Variants in HADH observed in about 807,000 individuals in gnomAD.
The protein encoded by HADH is hydroxyacyl-CoA dehydrogenase.
A neutral mutation model predicts 32.2 loss-of-function variants in HADH; 24 were observed. The observed-to-expected ratio is 0.75, with a 90% CI of 0.54 to 1.05. The LOEUF (loss-of-function observed/expected upper bound fraction) is 1.05, where lower values mean the gene tolerates loss of function less well. HADH is among the 50% of genes least tolerant of loss of function. The pLI is 0.00. For synonymous variants in HADH, 139 were observed against 152.5 expected (o/e 0.91, Z 0.65); for missense variants, 350 against 397.1 (o/e 0.88, Z 1.01).
chr4:107,990,742 T>C (rs1360193863), intron 1 of HADH, among the ~76,000 whole-genome samples: 1 of 143,200 alleles, frequency 7.0e-6, no homozygotes, highest in Non-Finnish European at 1.5e-5. Context: ...TAAGTCTCTC[T>C]CTTTTTTTTT....
intron 1 of HADH, among the ~76,000 whole-genome samples, chr4:107,999,330 A>T (rs1021496184): frequency 7.9e-5 from 12 of 152,240 alleles, no homozygotes; most frequent in African/African-American, 2.4e-4. Context: ...TGGGCAACGC[A>T]TAGCAACTGC....
chr4:108,027,152 G>T, intron 5 of HADH: 1 of 178,208 alleles, frequency 5.6e-6, no homozygotes, highest in Non-Finnish European at 1.2e-5. Flanking sequence ...AAGGAGCCTG[G>T]AAAGCAGTCC....
At chr4:107,992,887 G>A (rs1734854770) in intron 1 of HADH, among the ~76,000 whole-genome samples, 1 of 152,234 alleles carries the variant, frequency 6.6e-6, no homozygotes, top group South Asian at 2.1e-4. Flanking sequence ...GGCTGAGGGG[G>A]GCAGATCATC....
At chr4:107,998,758 A>G (rs1735029516) in intron 1 of HADH, among the ~76,000 whole-genome samples, 1 of 151,722 alleles carries the variant, frequency 6.6e-6, no homozygotes, top group South Asian at 2.1e-4. Flanking sequence ...TAGCCATCCT[A>G]ATGGGTATGA....
chr4:108,027,374 T>A (rs1241220672), intron 5 of HADH: 5 of 442,680 alleles, frequency 1.1e-5, no homozygotes, highest in African/African-American at 2.0e-5. Context: ...ACCAAGAGAG[T>A]ATTCAAGATT....
At chr4:108,007,256 G>A (rs1456785434) in intron 1 of HADH, among the ~76,000 whole-genome samples, 1 of 152,040 alleles carries the variant, frequency 6.6e-6, no homozygotes, top group Admixed American at 6.5e-5. Flanking sequence ...ACAGGCGCCC[G>A]CCACCACGCC....
intron 1 of HADH, among the ~76,000 whole-genome samples, chr4:107,994,621 G>A (rs1024497775): frequency 2.0e-5 from 3 of 152,208 alleles, no homozygotes; most frequent in African/African-American, 7.2e-5. Context: ...GAGACCAGCA[G>A]TTACCTGGCT....
At chr4:108,008,160 G>A (rs1220383510) in intron 1 of HADH, among the ~76,000 whole-genome samples, 1 of 152,204 alleles carries the variant, frequency 6.6e-6, no homozygotes, top group African/African-American at 2.4e-5. Context: ...TTTTGCTTTT[G>A]GGACGTTGTT....
chr4:108,019,937 A>G (rs1201750733), intron 4 of HADH, among the ~76,000 whole-genome samples: 1 of 152,244 alleles, frequency 6.6e-6, no homozygotes, highest in Non-Finnish European at 1.5e-5. Context: ...GCTGAGAGGC[A>G]TCAGAATGGG....
At chr4:108,011,463 G>GC (rs1735492324) in intron 2 of HADH, among the ~76,000 whole-genome samples, 3 of 152,152 alleles carry the variant, frequency 2.0e-5, no homozygotes, top group African/African-American at 7.2e-5. Context: ...CCCCCACTGG[G>GC]CCCCTCCCAC....
chr4:108,023,803 G>C lies in HADH; in HGVS notation c.636+240G>C, dbSNP rs117532554. ...TAGTCTGAGACCTGAATGGAGCTCA[G>C]GACACCAGCTGAGTAGAAGACACGG... On this transcript the variant is annotated intron_variant, in intron 5 of 7. Coordinates refer to ENST00000309522, the MANE Select transcript of HADH (RefSeq NM_005327.7). 5.7e-4 allele frequency: 289 copies of C among 506,390 alleles called. 3 individuals are homozygous for C. In the East Asian group the frequency reaches 0.01, roughly 18 times the overall value. 31.4% of individuals were successfully genotyped at this position (506,390 alleles called of 1,614,324 possible).
intron 1 of HADH, chr4:108,004,824 C>T: frequency 6.5e-7 from 1 of 1,535,832 alleles, no homozygotes; most frequent in Non-Finnish European, 8.7e-7. Flanking sequence ...TGGGTGTCTG[C>T]TGGAGGAAGG....
Position 107,994,754 on chromosome 4 carries a change from G to A in HADH, c.132+4690G>A, listed in dbSNP as rs148126008. Among the ~76,000 whole-genome samples the A allele has an allele frequency of 3.5e-4, 53 of 152,232 alleles. 2 individuals carry two copies. The East Asian group carries it at 9.7e-3, about 28-fold the overall frequency. ...AAGTTTTCCCCCTACTTCCCGAGTT[G>A]TTGCTTATCTTTGTTGGGCTGTTCT... On this transcript the variant is annotated intron_variant, in intron 1 of 7. Transcript: ENST00000309522.
At chr4:108,018,470 A>G (rs958551780) in intron 3 of HADH, among the ~76,000 whole-genome samples, 9 of 152,274 alleles carry the variant, frequency 5.9e-5, no homozygotes, top group African/African-American at 1.7e-4. Context: ...TAAATGGCCT[A>G]CCTTGGAAGC....
intron 3 of HADH, among the ~76,000 whole-genome samples, chr4:108,017,645 C>G (rs1225791632): frequency 6.6e-6 from 1 of 151,868 alleles, no homozygotes; most frequent in African/African-American, 2.4e-5. Flanking sequence ...ACCTCTGCCC[C>G]CCAGGTTCAA....
chr4:108,004,991 G>T (rs969295688), intron 1 of HADH: 12 of 1,103,616 alleles, frequency 1.1e-5, no homozygotes, highest in Admixed American at 1.0e-4. Flanking sequence ...TGATAATACT[G>T]TATTCAGTTT....
intron 1 of HADH, among the ~76,000 whole-genome samples, chr4:108,008,702 C>G (rs990309675): frequency 6.6e-5 from 10 of 152,128 alleles, no homozygotes; most frequent in Non-Finnish European, 1.5e-4. Flanking sequence ...CATCGAGGTT[C>G]CAAAGCAATG....
chr4:107,994,894 T>C (rs1734911850), intron 1 of HADH, among the ~76,000 whole-genome samples: 1 of 152,216 alleles, frequency 6.6e-6, no homozygotes, highest in Admixed American at 6.5e-5. Context: ...GAGGTAGGGC[T>C]CACAGGCAAC....
intron 1 of HADH, among the ~76,000 whole-genome samples, chr4:108,001,529 A>G (rs1175740562): frequency 4.6e-5 from 7 of 152,262 alleles, no homozygotes; most frequent in African/African-American, 1.7e-4. Context: ...CATTGACTTT[A>G]GCAATTTAGT....
Sources: allele counts gnomAD v4.1 joint callset (sites outside exome capture counted in the v4.1 genomes callset), GRCh38; gene constraint gnomAD v4.1.1; transcripts MANE v1.5; gene names NCBI Gene and HGNC (gene_info 2026-07-23, HGNC 2026-07-21).